NAALADL2: variants seen among roughly 807,000 people sequenced by gnomAD.
The protein encoded by NAALADL2 is N-acetylated alpha-linked acidic dipeptidase like 2, also known as inactive N-acetylated-alpha-linked acidic dipeptidase-like protein 2.
A neutral mutation model predicts 87.2 loss-of-function variants in NAALADL2; 76 were observed. The observed-to-expected ratio is 0.87, with a 90% CI of 0.72 to 1.05. The LOEUF (loss-of-function observed/expected upper bound fraction) is 1.05, where lower values mean the gene tolerates loss of function less well. NAALADL2 is among the 50% of genes least tolerant of loss of function. The pLI, the probability that NAALADL2 is intolerant of heterozygous loss-of-function variation, is 0.00. For synonymous variants in NAALADL2, 354 were observed against 331.0 expected (o/e 1.07, Z -0.75); for missense variants, 1,089 against 945.8 (o/e 1.15, Z -1.99).
At chr3:175,403,820 G>C (rs138614975) in intron 5 of NAALADL2, among the ~76,000 whole-genome samples, 2 of 151,958 alleles carry the variant, frequency 1.3e-5, no homozygotes, top group African/African-American at 4.8e-5. Flanking sequence ...TTCTAAACTC[G>C]CACGGCATTA....
chr3:175,194,308 G>A (rs957138630), intron 2 of NAALADL2, among the ~76,000 whole-genome samples: 3 of 151,904 alleles, frequency 2.0e-5, no homozygotes, highest in Admixed American at 6.6e-5. Flanking sequence ...TTTCCTGCAA[G>A]TATTTGACAG....
chr3:174,699,838 T>G lies in NAALADL2; in HGVS notation c.-114-37803T>G, dbSNP rs1364880149. On this transcript the variant is annotated intron_variant, in intron 2 of 3. Transcript: ENST00000434257. Reference sequence around the variant, plus strand: ...ATTTAAGGCCCTCATTTTAAGATGCTTTTTTTTTTTTTTTTGAGAAGATTG... The same window carrying G: ...ATTTAAGGCCCTCATTTTAAGATGCGTTTTTTTTTTTTTTTGAGAAGATTG... Among the ~76,000 whole-genome samples the G allele has an allele frequency of 3.2e-4, 10 of 30,902 alleles. No individual in the cohort carries two copies. The South Asian group carries it at 7.0e-3, about 22-fold the overall frequency. 20.3% of individuals were successfully genotyped at this position (30,902 alleles called of 152,430 possible). A position where few individuals can be genotyped will look rare whatever the true frequency, so the allele number is the denominator to read the frequency against.
chr3:175,767,401 T>C (rs1173660026), intron 13 of NAALADL2, among the ~76,000 whole-genome samples: 1 of 152,092 alleles, frequency 6.6e-6, no homozygotes, highest in Non-Finnish European at 1.5e-5. Context: ...AAATTACATA[T>C]AGTGAGGTTC....
At chr3:174,727,263 AAT>A (rs1201477510) in intron 2 of NAALADL2, among the ~76,000 whole-genome samples, 16 of 5,272 alleles carry the variant, frequency 3.0e-3, no homozygotes, top group East Asian at 0.022. Flanking sequence ...TGGAAGCCTG[AAT>A]TGAATTCCAC....
At chr3:174,662,221 C>G (rs753161934) in intron 2 of NAALADL2, among the ~76,000 whole-genome samples, 3 of 152,124 alleles carry the variant, frequency 2.0e-5, no homozygotes, top group Admixed American at 6.6e-5. Context: ...AACTTTAGCT[C>G]AGATAAAGCT....
intron 2 of NAALADL2, among the ~76,000 whole-genome samples, chr3:174,568,949 C>T (rs1714608124): frequency 6.6e-6 from 1 of 151,310 alleles, no homozygotes; most frequent in Non-Finnish European, 1.5e-5. Flanking sequence ...TACCACGTTT[C>T]CAGGTTCCTA....
At chr3:175,519,143 GC>G (rs982960017) in intron 9 of NAALADL2, among the ~76,000 whole-genome samples, 8 of 152,176 alleles carry the variant, frequency 5.3e-5, no homozygotes, top group Admixed American at 2.0e-4. Context: ...CTGGAGTGGG[GC>G]TCTTATAACC....
intron 2 of NAALADL2, among the ~76,000 whole-genome samples, chr3:174,683,629 GGTGTGTGT>G (rs10522220): frequency 0.12 from 17,836 of 146,728 alleles, 2,683 homozygotes; most frequent in African/African-American, 0.36. Context: ...CAGAACTTCT[GGTGTGTGT>G]GTGTGTGTGT....
intron 1 of NAALADL2, among the ~76,000 whole-genome samples, chr3:175,005,368 T>C (rs978940879): frequency 4.9e-4 from 75 of 152,188 alleles, no homozygotes; most frequent in African/African-American, 1.8e-3. Context: ...ACCCCTATGC[T>C]GGTTTCCTTC....
chr3:175,684,726 C>T (rs1467181854), intron 11 of NAALADL2, among the ~76,000 whole-genome samples: 1 of 151,986 alleles, frequency 6.6e-6, no homozygotes, highest in African/African-American at 2.4e-5. Flanking sequence ...TCACTTGAGC[C>T]CGGGAGTTTA....
intron 5 of NAALADL2, among the ~76,000 whole-genome samples, chr3:175,355,872 G>A (rs1764303176): frequency 6.6e-6 from 1 of 152,162 alleles, no homozygotes; most frequent in African/African-American, 2.4e-5. Context: ...GTTACCCAAT[G>A]TGGCAAGTGA....
At chr3:174,684,953 T>A (rs1727891583) in intron 2 of NAALADL2, among the ~76,000 whole-genome samples, 1 of 152,138 alleles carries the variant, frequency 6.6e-6, no homozygotes, top group Non-Finnish European at 1.5e-5. Context: ...ATGTCCTCAT[T>A]CATCTTCTTG....
Position 175,312,930 on chromosome 3 carries a change from T to G in NAALADL2, c.940-11245T>G, listed in dbSNP as rs374818392. Among the ~76,000 whole-genome samples the G allele has an allele frequency of 9.2e-5, 14 of 152,320 alleles. No homozygotes were observed. The South Asian group carries it at 2.1e-3, about 23-fold the overall frequency. On this transcript the variant is annotated intron_variant, in intron 4 of 13. Transcript: ENST00000454872. Reference sequence around the variant, plus strand: ...TATAGTTTGGCACATATTTGCCTTATGTGGATTTATTAGTTTGCTAGGGCT... The same window carrying G: ...TATAGTTTGGCACATATTTGCCTTAGGTGGATTTATTAGTTTGCTAGGGCT...
chr3:175,051,812 T>G (rs1560517384), intron 1 of NAALADL2, among the ~76,000 whole-genome samples: 1 of 152,224 alleles, frequency 6.6e-6, no homozygotes, highest in East Asian at 1.9e-4. Context: ...AAAGCGTGAC[T>G]GTGGCTTTCC....
intron 2 of NAALADL2, among the ~76,000 whole-genome samples, chr3:174,554,666 A>T (rs1205345526): frequency 6.6e-6 from 1 of 151,796 alleles, no homozygotes; most frequent in Non-Finnish European, 1.5e-5. Flanking sequence ...AGGGTGTTTT[A>T]AAGTATTGTT....
chr3:174,716,297 A>G (rs913531315), intron 2 of NAALADL2, among the ~76,000 whole-genome samples: 48 of 152,156 alleles, frequency 3.2e-4, no homozygotes, highest in African/African-American at 1.2e-3. Context: ...CATGTATCTA[A>G]GGAAGACTAC....
intron 2 of NAALADL2, among the ~76,000 whole-genome samples, chr3:174,627,568 C>G (rs1721700950): frequency 6.6e-6 from 1 of 152,184 alleles, no homozygotes; most frequent in African/African-American, 2.4e-5. Context: ...TTTGATCCAG[C>G]AATCCCACTA....
At chr3:175,538,133 A>G (rs930589083) in intron 9 of NAALADL2, among the ~76,000 whole-genome samples, 8 of 152,196 alleles carry the variant, frequency 5.3e-5, no homozygotes, top group African/African-American at 1.4e-4. Flanking sequence ...CAGTGACAGT[A>G]GTCCAGAGAA....
intron 9 of NAALADL2, among the ~76,000 whole-genome samples, chr3:175,564,207 A>G (rs1447934980): frequency 6.6e-6 from 1 of 151,986 alleles, no homozygotes; most frequent in Non-Finnish European, 1.5e-5. Flanking sequence ...CACCTACCTG[A>G]TTTACAGCTG....
Sources: gnomAD v4.1 joint callset for allele counts (sites outside exome capture counted in the v4.1 genomes callset) on GRCh38, gnomAD v4.1.1 for gene constraint, MANE v1.5 for transcripts, NCBI Gene and HGNC (gene_info 2026-07-23, HGNC 2026-07-21) for gene names.